Variants in NEDD4L observed in about 807,000 individuals in gnomAD.
NEDD4L encodes the protein E3 ubiquitin-protein ligase NEDD4-like.
NEDD4L carries 54 observed loss-of-function variants against 148.9 expected under a neutral mutation model. That is an observed-to-expected ratio of 0.36 (90% CI 0.29 to 0.45). NEDD4L has a LOEUF of 0.45. Ranked by LOEUF, NEDD4L falls within the 20% of genes least tolerant of loss-of-function variation. The probability of loss-of-function intolerance (pLI) is 1.00; values close to 1 mark genes in which losing one functional copy is unlikely to be tolerated. For synonymous variants in NEDD4L, 433 were observed against 440.7 expected (o/e 0.98, Z 0.22); for missense variants, 856 against 1,233.8 (o/e 0.69, Z 4.59).
At chr18:58,184,610 G>A (rs1286885463) in intron 2 of NEDD4L, among the ~76,000 whole-genome samples, 2 of 152,222 alleles carry the variant, frequency 1.3e-5, no homozygotes, top group Middle Eastern at 3.4e-3. Context: ...GTTTGTTCAT[G>A]AAGTCTTGGT....
intron 13 of NEDD4L, among the ~76,000 whole-genome samples, chr18:58,338,220 A>G (rs1400338031): frequency 1.3e-5 from 2 of 152,240 alleles, no homozygotes; most frequent in Admixed American, 1.3e-4. Context: ...TGTTAAACTA[A>G]GTCGCCATTT....
chr18:58,173,989 G>C (rs553926342), intron 2 of NEDD4L, among the ~76,000 whole-genome samples: 1 of 152,316 alleles, frequency 6.6e-6, no homozygotes, highest in Admixed American at 6.5e-5. Context: ...CCCCCAGCCA[G>C]CAACACCCCA....
At chr18:58,211,661 AC>A (rs1250337785) in intron 2 of NEDD4L, among the ~76,000 whole-genome samples, 1 of 152,238 alleles carries the variant, frequency 6.6e-6, no homozygotes, top group East Asian at 1.9e-4. Context: ...AATACGTACT[AC>A]CTGAGAGGAG....
At chr18:58,142,032 A>ATTTTTTT (rs1568275559) in intron 1 of NEDD4L, among the ~76,000 whole-genome samples, 1 of 95,338 alleles carries the variant, frequency 1.0e-5, no homozygotes, top group South Asian at 3.2e-4. Flanking sequence ...GCCTTCCAAA[A>ATTTTTTT]TTTCTTTCTT....
chr18:58,053,101 T>C (rs2081948685), intron 1 of NEDD4L, among the ~76,000 whole-genome samples: 1 of 152,222 alleles, frequency 6.6e-6, no homozygotes, highest in South Asian at 2.1e-4. Context: ...TCCCATCACC[T>C]GTCACTTTGT....
intron 1 of NEDD4L, among the ~76,000 whole-genome samples, chr18:58,155,575 A>G (rs1487080012): frequency 1.3e-5 from 2 of 152,208 alleles, no homozygotes; most frequent in Non-Finnish European, 2.9e-5. Context: ...GTTAAATCTC[A>G]TAATGGACAT....
chr18:58,293,137 A>G (rs1012117690), intron 5 of NEDD4L, among the ~76,000 whole-genome samples: 3 of 152,266 alleles, frequency 2.0e-5, no homozygotes, highest in South Asian at 4.1e-4. Context: ...GGAAACTTGT[A>G]TAATACAGAG....
intron 5 of NEDD4L, among the ~76,000 whole-genome samples, chr18:58,308,763 C>T (rs1460823865): frequency 6.6e-6 from 1 of 152,212 alleles, no homozygotes; most frequent in African/African-American, 2.4e-5. Flanking sequence ...CACCGTCCTC[C>T]ACTTTTGCTT....
chr18:58,134,769 A>AT (rs71173032), intron 1 of NEDD4L, among the ~76,000 whole-genome samples: 2,689 of 131,416 alleles, frequency 0.02, 48 homozygotes, highest in African/African-American at 0.044. Flanking sequence ...AGCAATTTTC[A>AT]TTTTTTTTTT....
chr18:58,070,505 G>T (rs2082811384), intron 1 of NEDD4L, among the ~76,000 whole-genome samples: 1 of 152,012 alleles, frequency 6.6e-6, no homozygotes, highest in East Asian at 1.9e-4. Flanking sequence ...TTTTAAAATG[G>T]AGAAGTAAAT....
At chr18:58,293,569 A>G (rs1038776834) in intron 5 of NEDD4L, among the ~76,000 whole-genome samples, 3 of 152,230 alleles carry the variant, frequency 2.0e-5, no homozygotes, top group Admixed American at 6.5e-5. Context: ...TGATCATGTA[A>G]TAATAAACTG....
In NEDD4L at chr18:58,342,640, G is replaced by A. The variant is rs12458971; in HGVS notation, c.1378-266G>A. Among the ~76,000 whole-genome samples the A allele has an allele frequency of 0.3, 45,284 of 152,092 alleles. 6,901 individuals are homozygous for A. Among genetic ancestry groups the A allele is most frequent in the Middle Eastern group, 0.4 (117 of 294 alleles). ...ACTCTGTAAAATCTCCATCCATAAT[G>A]CTTAGTACAGAACAGTATTTTTGGT... is the stretch of plus-strand genomic sequence containing the variant. On this transcript the variant is annotated intron_variant, in intron 15 of 30. Coordinates refer to ENST00000400345, the MANE Select transcript of NEDD4L (RefSeq NM_001144967.3).
At chr18:58,149,924 A>G (rs1283676110) in intron 1 of NEDD4L, among the ~76,000 whole-genome samples, 1 of 152,228 alleles carries the variant, frequency 6.6e-6, no homozygotes, top group Non-Finnish European at 1.5e-5. Context: ...TACACTATAT[A>G]GTGAGAAATG....
At chr18:58,195,740 G>A (rs771473851) in intron 2 of NEDD4L, 1 of 1,346,642 alleles carries the variant, frequency 7.4e-7, no homozygotes, top group East Asian at 4.6e-5. Context: ...TCTGGTAAGT[G>A]CCACCGAAGG....
intron 1 of NEDD4L, among the ~76,000 whole-genome samples, chr18:58,056,894 C>CTTTTTTTTTTTTTTTTTTTTTTTTTTTT (rs74183230): frequency 1.6e-5 from 2 of 121,618 alleles, no homozygotes; most frequent in South Asian, 3.1e-4. Context: ...GCTATGCCCT[C>CTTTTTTTTTTTTTTTTTTTTTTTTTTTT]TTTTTTTTTT....
chr18:58,389,389 C>T (rs2049487233), intron 28 of NEDD4L, 197 bp downstream of exon 28: 2 of 491,098 alleles, frequency 4.1e-6, no homozygotes, highest in Non-Finnish European at 3.7e-6. Context: ...TAGCAGACAG[C>T]TAGACTTGAA....
chr18:58,100,214 T>C (rs749829238), intron 1 of NEDD4L, among the ~76,000 whole-genome samples: 2 of 152,126 alleles, frequency 1.3e-5, no homozygotes, highest in Admixed American at 6.5e-5. Flanking sequence ...TGTGGTAGGG[T>C]GAGGAGGACC....
intron 1 of NEDD4L, among the ~76,000 whole-genome samples, chr18:58,150,892 T>C (rs7240603): frequency 0.32 from 48,667 of 152,126 alleles, 8,020 homozygotes; most frequent in African/African-American, 0.34. Context: ...CCTTCTCCTG[T>C]GATCTTGCCT....
At chr18:58,086,676 T>C (rs903711066) in intron 1 of NEDD4L, among the ~76,000 whole-genome samples, 3 of 152,210 alleles carry the variant, frequency 2.0e-5, no homozygotes, top group African/African-American at 7.2e-5. Flanking sequence ...CACTATTTTC[T>C]ATTCAAAAAA....
Sources: allele counts gnomAD v4.1 joint callset (sites outside exome capture counted in the v4.1 genomes callset), GRCh38; gene constraint gnomAD v4.1.1; transcripts MANE v1.5; gene names NCBI Gene and HGNC (gene_info 2026-07-23, HGNC 2026-07-21).